The following CLVS1 variants were observed in gnomAD, a reference collection of about 807,000 sequenced individuals.
CLVS1 encodes the protein clavesin-1.
Under a neutral mutation model 33.1 loss-of-function variants are expected in CLVS1, and 10 were observed. The observed-to-expected ratio is 0.30, with a 90% CI of 0.19 to 0.51. The LOEUF is 0.51. Ranked by LOEUF, CLVS1 falls within the 20% of genes least tolerant of loss-of-function variation. The pLI is 0.97. For synonymous variants in CLVS1, 163 were observed against 166.1 expected, an observed-to-expected ratio of 0.98 and a Z score of 0.14; for missense variants, 343 against 433.4, an observed-to-expected ratio of 0.79 and a Z score of 1.85.
At chr8:61,333,193 G>C (rs747591084) in intron 2 of CLVS1, among the ~76,000 whole-genome samples, 3 of 152,020 alleles carry the variant, frequency 2.0e-5, no homozygotes, top group Non-Finnish European at 4.4e-5. Flanking sequence ...TTTCAGTTAG[G>C]GTAAGAATAA....
chr8:61,074,375 TAA>T (rs1804861604), intron 1 of CLVS1, among the ~76,000 whole-genome samples: 2 of 49,868 alleles, frequency 4.0e-5, no homozygotes, highest in African/African-American at 8.6e-4. Flanking sequence ...TATATATATA[TAA>T]GTATATGTGT....
chr8:61,093,758 T>C (rs954364281), intron 1 of CLVS1, among the ~76,000 whole-genome samples: 1 of 152,364 alleles, frequency 6.6e-6, no homozygotes, highest in South Asian at 2.1e-4. Context: ...AAGAAATCAC[T>C]GCATTTATGT....
At chr8:61,489,380 G>A (rs1799535207) in intron 5 of CLVS1, among the ~76,000 whole-genome samples, 1 of 152,192 alleles carries the variant, frequency 6.6e-6, no homozygotes, top group Non-Finnish European at 1.5e-5. Flanking sequence ...TGTAGAATCA[G>A]ATCTGGGTTC....
At chr8:60,995,250 G>A in the CLVS1 span, among the ~76,000 whole-genome samples, 3 of 152,038 alleles carry the variant, frequency 2.0e-5, no homozygotes, top group African/African-American at 4.8e-5. Context: ...GAAAATTTTT[G>A]CAACCTACTC....
intron 2 of CLVS1, among the ~76,000 whole-genome samples, chr8:61,175,772 G>T (rs1807102063): frequency 6.6e-6 from 1 of 152,162 alleles, no homozygotes; most frequent in Non-Finnish European, 1.5e-5. Flanking sequence ...ACATGGCCCT[G>T]CTGACATTCT....
At chr8:61,144,303 T>C (rs1278768667) in intron 2 of CLVS1, among the ~76,000 whole-genome samples, 1 of 152,160 alleles carries the variant, frequency 6.6e-6, no homozygotes, top group African/African-American at 2.4e-5. Flanking sequence ...CATGCGGTGT[T>C]TGGTTTTCTG....
At chr8:61,192,397 A>G (rs1807504901) in intron 2 of CLVS1, among the ~76,000 whole-genome samples, 1 of 152,202 alleles carries the variant, frequency 6.6e-6, no homozygotes, top group East Asian at 1.9e-4. Flanking sequence ...AAAGACTTAA[A>G]CGTTAAACCT....
At chr8:61,373,644 C>T (rs1813527419) in intron 2 of CLVS1, among the ~76,000 whole-genome samples, 1 of 152,186 alleles carries the variant, frequency 6.6e-6, no homozygotes, top group African/African-American at 2.4e-5. Context: ...AAGTGCTCTC[C>T]CACAACCCCC....
intron 1 of CLVS1, among the ~76,000 whole-genome samples, chr8:61,068,229 G>GTGTATATATATA (rs1554531443): frequency 3.0e-5 from 3 of 101,004 alleles, no homozygotes; most frequent in African/African-American, 1.1e-4. Flanking sequence ...GTATGTATGT[G>GTGTATATATATA]TATATATATA....
intron 3 of CLVS1, among the ~76,000 whole-genome samples, chr8:61,404,930 A>G (rs570052925): frequency 1.3e-5 from 2 of 152,280 alleles, no homozygotes; most frequent in East Asian, 3.9e-4. Context: ...AGCAAAGAGG[A>G]TGGGAGGGAC....
intron 2 of CLVS1, among the ~76,000 whole-genome samples, chr8:61,354,168 A>G (rs1202732419): frequency 6.6e-6 from 1 of 152,124 alleles, no homozygotes; most frequent in Non-Finnish European, 1.5e-5. Context: ...TTTAAGAAGA[A>G]TTAACAACAA....
At chr8:61,481,638 C>T (rs557449696) in intron 5 of CLVS1, among the ~76,000 whole-genome samples, 18 of 152,264 alleles carry the variant, frequency 1.2e-4, no homozygotes, top group East Asian at 1.2e-3. Context: ...AAGGTGGCAG[C>T]GAGGCTGGGA....
chr8:61,228,904 A>G (rs915712785), intron 2 of CLVS1, among the ~76,000 whole-genome samples: 15 of 152,162 alleles, frequency 9.9e-5, no homozygotes, highest in African/African-American at 3.4e-4. Context: ...TTTCGGATAT[A>G]TATATATCCA....
At chr8:61,105,828 G>T (rs1462800378) in intron 1 of CLVS1, among the ~76,000 whole-genome samples, 1 of 151,916 alleles carries the variant, frequency 6.6e-6, no homozygotes, top group Admixed American at 6.6e-5. Context: ...GCAGCTATAG[G>T]ATAAAGGACA....
intron 3 of CLVS1, among the ~76,000 whole-genome samples, chr8:61,393,503 CT>C (rs1814390939): frequency 6.6e-6 from 1 of 152,148 alleles, no homozygotes; most frequent in South Asian, 2.1e-4. Context: ...ACCAGAATTA[CT>C]TTTCTGGTTC....
At chr8:61,182,934 GGTACATATACACCACGAAATA>G (rs1807268623) in intron 2 of CLVS1, among the ~76,000 whole-genome samples, 1 of 152,210 alleles carries the variant, frequency 6.6e-6, no homozygotes, top group South Asian at 2.1e-4. Context: ...AAAAAAATGT[GGTACATATACACCACGAAATA>G]CAATGCAGTC....
chr8:61,342,424 G>A (rs1162343181), intron 2 of CLVS1, among the ~76,000 whole-genome samples: 1 of 152,138 alleles, frequency 6.6e-6, no homozygotes, highest in Non-Finnish European at 1.5e-5. Context: ...GCCTATATCC[G>A]CTCTACACAG....
chr8:61,023,059 C>T, the CLVS1 span, among the ~76,000 whole-genome samples: 1 of 152,104 alleles, frequency 6.6e-6, no homozygotes. Context: ...AGTTTGGAAG[C>T]TACTAAAAAT....
At chr8:61,366,920 G>C (rs111646287) in intron 2 of CLVS1, among the ~76,000 whole-genome samples, 2,873 of 152,178 alleles carry the variant, frequency 0.019, 32 homozygotes, top group African/African-American at 0.03. Context: ...TATTAATATT[G>C]TGTGATACTG....
Sources: allele counts gnomAD v4.1 joint callset (sites outside exome capture counted in the v4.1 genomes callset), GRCh38; gene constraint gnomAD v4.1.1; transcripts MANE v1.5; gene names NCBI Gene and HGNC (gene_info 2026-07-23, HGNC 2026-07-21).